Variants in SLC7A11 observed in about 807,000 individuals in gnomAD.
SLC7A11 encodes cystine/glutamate transporter.
SLC7A11 carries 35 observed loss-of-function variants against 54.5 expected under a neutral mutation model. That is an observed-to-expected ratio of 0.64 (90% CI 0.49 to 0.85). The LOEUF (loss-of-function observed/expected upper bound fraction) is 0.85. Among genes scored for constraint, SLC7A11 ranks in the 40% least tolerant of loss-of-function variants. The probability of loss-of-function intolerance (pLI) is 0.00; values close to 1 mark genes in which losing one functional copy is unlikely to be tolerated. For missense variants in SLC7A11, 583 were observed against 618.1 expected, an observed-to-expected ratio of 0.94 and a Z score of 0.60; for synonymous variants, 230 against 225.2, an observed-to-expected ratio of 1.02 and a Z score of -0.19.
intron 3 of SLC7A11, among the ~76,000 whole-genome samples, chr4:138,230,533 C>G: frequency 6.6e-6 from 1 of 151,954 alleles, no homozygotes; most frequent in Non-Finnish European, 1.5e-5. Context: ...AGGCATTTTC[C>G]TAATATATAA....
chr4:138,198,062 G>T (rs1249066903), intron 6 of SLC7A11, among the ~76,000 whole-genome samples: 1 of 150,852 alleles, frequency 6.6e-6, no homozygotes, highest in South Asian at 2.1e-4. Context: ...TTGGGGGAAA[G>T]TCAAGAGCCT....
chr4:138,221,326 G>C (rs1309177842), intron 4 of SLC7A11, among the ~76,000 whole-genome samples: 1 of 152,140 alleles, frequency 6.6e-6, no homozygotes, highest in Admixed American at 6.5e-5. Flanking sequence ...ACTCTCATAA[G>C]TGAATACATA....
At chr4:138,198,156 A>C (rs1737186434) in intron 6 of SLC7A11, among the ~76,000 whole-genome samples, 1 of 150,688 alleles carries the variant, frequency 6.6e-6, no homozygotes, top group African/African-American at 2.4e-5. Flanking sequence ...AAAACAAACA[A>C]ACAGAAAATA....
intron 3 of SLC7A11, among the ~76,000 whole-genome samples, chr4:138,224,815 A>AAAGAAAGGAAGG (rs1737899725): frequency 7.4e-6 from 1 of 135,880 alleles, no homozygotes. Context: ...AGGAAGGATG[A>AAAGAAAGGAAGG]AAGGAAGGAA....
At chr4:138,188,196 G>A (rs1420987107) in intron 6 of SLC7A11, among the ~76,000 whole-genome samples, 1 of 152,024 alleles carries the variant, frequency 6.6e-6, no homozygotes, top group Non-Finnish European at 1.5e-5. Flanking sequence ...CCCAGTAGCT[G>A]GGATTATAGG....
intron 6 of SLC7A11, among the ~76,000 whole-genome samples, chr4:138,208,520 G>A (rs982704809): frequency 7.7e-6 from 1 of 129,084 alleles, no homozygotes; most frequent in East Asian, 1.9e-4. Flanking sequence ...ATGACAGATT[G>A]CATAGTCACC....
At chr4:138,215,421 A>G (rs1467119211) in intron 5 of SLC7A11, among the ~76,000 whole-genome samples, 1 of 152,142 alleles carries the variant, frequency 6.6e-6, no homozygotes, top group African/African-American at 2.4e-5. Flanking sequence ...CAGCTAAAAC[A>G]AAGATGAAGA....
chr4:138,222,156 G>C (rs530446790), intron 4 of SLC7A11, among the ~76,000 whole-genome samples: 1 of 152,124 alleles, frequency 6.6e-6, no homozygotes, highest in African/African-American at 2.4e-5. Flanking sequence ...AAGCATTTCC[G>C]CCAGCAGGGC....
intron 6 of SLC7A11, among the ~76,000 whole-genome samples, chr4:138,210,176 G>T (rs1341736892): frequency 6.6e-6 from 1 of 151,926 alleles, no homozygotes; most frequent in African/African-American, 2.4e-5. Context: ...GGTATACCTG[G>T]ATAACCAGCC....
chr4:138,179,167 G>T, intron 11 of SLC7A11, 50 bp downstream of exon 11: 1 of 1,298,952 alleles, frequency 7.7e-7, no homozygotes, highest in Non-Finnish European at 1.1e-6. Context: ...ACCTTTATGG[G>T]TTTTCTACAT....
At chr4:138,208,764 C>T (rs115365254) in intron 6 of SLC7A11, among the ~76,000 whole-genome samples, 1,615 of 149,054 alleles carry the variant, frequency 0.011, 12 homozygotes, top group African/African-American at 0.021. Flanking sequence ...GTGGAGTCAG[C>T]CATAATGTTA....
intron 6 of SLC7A11, among the ~76,000 whole-genome samples, chr4:138,196,412 A>C (rs975963340): frequency 6.6e-6 from 1 of 152,298 alleles, no homozygotes; most frequent in East Asian, 1.9e-4. Flanking sequence ...AACACTTGGA[A>C]GGGAAAGGAG....
intron 6 of SLC7A11, among the ~76,000 whole-genome samples, chr4:138,208,976 C>A (rs1369300126): frequency 3.9e-5 from 6 of 152,016 alleles, no homozygotes; most frequent in Admixed American, 1.3e-4. Context: ...TTCGATACAA[C>A]ACTTAAGGAA....
chr4:138,230,948 T>A (rs550889886), intron 3 of SLC7A11, among the ~76,000 whole-genome samples: 3 of 152,302 alleles, frequency 2.0e-5, no homozygotes, highest in South Asian at 4.1e-4. Flanking sequence ...TCCTGGAACA[T>A]CAAATGATGT....
At chr4:138,235,279 T>C (rs1351067844) in intron 2 of SLC7A11, among the ~76,000 whole-genome samples, 1 of 152,106 alleles carries the variant, frequency 6.6e-6, no homozygotes, top group Admixed American at 6.5e-5. Flanking sequence ...GCATTCCTGA[T>C]AGAGGAATTT....
chr4:138,187,169 C>T (rs1365977855), intron 6 of SLC7A11, among the ~76,000 whole-genome samples: 1 of 152,134 alleles, frequency 6.6e-6, no homozygotes, highest in Admixed American at 6.5e-5. Flanking sequence ...TCCAAGTCAG[C>T]CCCCTGCCTG....
chr4:138,188,557 G>A (rs1424284538), intron 6 of SLC7A11, among the ~76,000 whole-genome samples: 1 of 152,168 alleles, frequency 6.6e-6, no homozygotes, highest in Non-Finnish European at 1.5e-5. Flanking sequence ...GTCCTACACA[G>A]TTAACTCTAG....
At chr4:138,218,378 A>G (rs2148442142) in intron 5 of SLC7A11, among the ~76,000 whole-genome samples, 1 of 152,346 alleles carries the variant, frequency 6.6e-6, no homozygotes, top group East Asian at 1.9e-4. Context: ...GCCATGATTT[A>G]TCCCAAAACA....
intron 10 of SLC7A11, among the ~76,000 whole-genome samples, chr4:138,180,389 C>T (rs987952775): frequency 4.6e-5 from 7 of 152,070 alleles, no homozygotes; most frequent in African/African-American, 1.7e-4. Flanking sequence ...ACATACCAAA[C>T]ATTCATTCAT....
Sources: gnomAD v4.1 joint callset for allele counts (sites outside exome capture counted in the v4.1 genomes callset) on GRCh38, gnomAD v4.1.1 for gene constraint, MANE v1.5 for transcripts, NCBI Gene and HGNC (gene_info 2026-07-23, HGNC 2026-07-21) for gene names.